Variants in MAST4 observed in about 807,000 individuals in gnomAD.
MAST4 encodes microtubule associated serine/threonine kinase family member 4.
In MAST4, 89 loss-of-function variants were observed where a neutral mutation model predicts 162.7. The observed-to-expected ratio is 0.55, with a 90% CI of 0.46 to 0.65. MAST4 has a LOEUF of 0.65. Ranked by LOEUF, MAST4 falls within the 30% of genes least tolerant of loss-of-function variation. The pLI, the probability that MAST4 is intolerant of heterozygous loss-of-function variation, is 0.00. For synonymous variants in MAST4, 1,479 were observed against 1,361.1 expected (o/e 1.09, Z -1.91); for missense variants, 3,153 against 3,374.0 (o/e 0.93, Z 1.62).
intron 1 of MAST4, among the ~76,000 whole-genome samples, chr5:66,754,343 A>G (rs988538430): frequency 6.6e-6 from 1 of 152,200 alleles, no homozygotes; most frequent in Non-Finnish European, 1.5e-5. Flanking sequence ...AAAAATTAGC[A>G]TATTAGTTTG....
chr5:66,907,160 AGAGAGAGAGAGAGAGAGAG>A (rs1763411070), intron 4 of MAST4, among the ~76,000 whole-genome samples: 7 of 10,542 alleles, frequency 6.6e-4, no homozygotes, highest in African/African-American at 1.2e-3. Context: ...CAGCAAAGCG[AGAGAGAGAGAGAGAGAGAG>A]AGAGAGAGAG....
At chr5:66,807,027 T>C (rs1756221194) in intron 3 of MAST4, among the ~76,000 whole-genome samples, 1 of 152,216 alleles carries the variant, frequency 6.6e-6, no homozygotes, top group Non-Finnish European at 1.5e-5. Context: ...CATTAAATTT[T>C]TAAAAAGCTT....
In MAST4 at chr5:66,856,853, G is replaced by A. The variant is rs1271417258; in HGVS notation, c.643-43098G>A. Among the ~76,000 whole-genome samples, 8 of 152,298 alleles carry A rather than the reference G, an allele frequency of 5.3e-5. No individual in the cohort carries two copies. The East Asian group carries it at 9.6e-4, about 18-fold the overall frequency. On this transcript the variant is annotated intron_variant, in intron 3 of 28. Transcript: ENST00000403625. The stretch of plus-strand genomic sequence containing the variant: ...ATGGCTATATGTCCAGCTGTTAAAT[G>A]CAGTCTTTAAAATAATTTGAAAAGG...
At chr5:67,062,130 G>C (rs569785245) in intron 5 of MAST4, among the ~76,000 whole-genome samples, 2 of 152,250 alleles carry the variant, frequency 1.3e-5, no homozygotes, top group Admixed American at 1.3e-4. Context: ...GGCTGGGCGC[G>C]GTGGCTCACG....
intron 4 of MAST4, among the ~76,000 whole-genome samples, chr5:67,029,811 A>C (rs966388233): frequency 6.6e-6 from 1 of 152,170 alleles, no homozygotes; most frequent in African/African-American, 2.4e-5. Context: ...GAGAAAGGAA[A>C]ATATAAATTC....
At position 66,837,864 on chromosome 5, in the gene MAST4, T is replaced by TTA. The variant is rs1209782576; in HGVS notation, c.642+49100_642+49101dup. ...ATCAAGTCTCAAGTGAGACTTGATT[T>TTA]TATATATATATATATATATATATAT... On this transcript the variant is annotated intron_variant, in intron 3 of 28. Coordinates refer to ENST00000403625, the MANE Select transcript of MAST4 (RefSeq NM_001164664.2). Among the ~76,000 whole-genome samples, 768 of 82,610 alleles carry TTA rather than the reference T, an allele frequency of 9.3e-3. 7 individuals are homozygous for TTA. Among genetic ancestry groups the TTA allele is most frequent in the Admixed American group, 0.015 (96 of 6,464 alleles). The allele number at this position is 82,610 out of a possible 152,430, so 54.2% of individuals were successfully genotyped here.
At chr5:67,086,264 A>T (rs1763220720) in intron 5 of MAST4, among the ~76,000 whole-genome samples, 1 of 152,236 alleles carries the variant, frequency 6.6e-6, no homozygotes, top group Non-Finnish European at 1.5e-5. Context: ...AGCTATTAAA[A>T]GCACATTAAT....
At chr5:67,031,982 A>G (rs1755391313) in intron 4 of MAST4, among the ~76,000 whole-genome samples, 1 of 152,158 alleles carries the variant, frequency 6.6e-6, no homozygotes, top group Non-Finnish European at 1.5e-5. Flanking sequence ...ACTCATCGTG[A>G]CCTACTTCTG....
In MAST4 at chr5:67,080,910, T is replaced by C. The variant is rs1311978094; in HGVS notation, c.764-9252T>C. Among the ~76,000 whole-genome samples, 4 of 145,320 alleles carry C rather than the reference T, an allele frequency of 2.8e-5. No individual in the cohort carries two copies. The Admixed American group carries it at 2.8e-4, about 10-fold the overall frequency. On this transcript the variant is annotated intron_variant, in intron 5 of 28. Transcript: ENST00000403625. ...GTTGATAGTGAAAATGTAAACATTA[T>C]GGTTAATTAATGTTTTCTTTAATTA...
chr5:66,940,318 A>G (rs1743224860), intron 4 of MAST4, among the ~76,000 whole-genome samples: 1 of 152,142 alleles, frequency 6.6e-6, no homozygotes, highest in Non-Finnish European at 1.5e-5. Context: ...AGGTTGCCAC[A>G]GCAGTGGACT....
In MAST4 at chr5:67,090,819, G is replaced by A. The variant is rs568157113; in HGVS notation, c.833+588G>A. Among the ~76,000 whole-genome samples the A allele has an allele frequency of 4.0e-5, 6 of 151,728 alleles. No individual in the cohort carries two copies. The South Asian group carries it at 8.4e-4, about 21-fold the overall frequency. Reference sequence around the variant, plus strand: ...TTCATTGTGGATTTTCTGCTATGACGTAGCCAAGTCAGAGGAGTGTGCACA... The same window carrying A: ...TTCATTGTGGATTTTCTGCTATGACATAGCCAAGTCAGAGGAGTGTGCACA... On this transcript the variant is annotated intron_variant, in intron 6 of 28. Coordinates refer to ENST00000403625, the MANE Select transcript of MAST4 (RefSeq NM_001164664.2).
At chr5:66,838,187 G>C (rs1658768407) in intron 3 of MAST4, among the ~76,000 whole-genome samples, 1 of 151,956 alleles carries the variant, frequency 6.6e-6, no homozygotes. Context: ...GGCATGATGA[G>C]ACAGTTGCTT....
intron 1 of MAST4, chr5:66,737,904 C>T (rs1337799207): frequency 6.6e-6 from 1 of 152,142 alleles, no homozygotes; most frequent in Non-Finnish European, 1.5e-5. Context: ...CCTGACCTGC[C>T]ATTTGGATTC....
Position 66,708,284 on chromosome 5 carries a change from G to T in MAST4, c.364-51425G>T, listed in dbSNP as rs80224849. Reference sequence around the variant, plus strand: ...ACTACCTTGGGGCAAATTTAACTCTGTCTGAACTTTGGTTTCTTGACTAGT... The same window carrying T: ...ACTACCTTGGGGCAAATTTAACTCTTTCTGAACTTTGGTTTCTTGACTAGT... On this transcript the variant is annotated intron_variant, in intron 1 of 28. Coordinates refer to ENST00000403625, the MANE Select transcript of MAST4 (RefSeq NM_001164664.2). Among the ~76,000 whole-genome samples the T allele has an allele frequency of 8.1e-3, 1,226 of 152,226 alleles. 17 individuals carry two copies. The highest frequency in any genetic ancestry group is 0.028 in the African/African-American group (1,162 of 41,524).
chr5:66,956,190 A>G (rs1276450099), intron 4 of MAST4, among the ~76,000 whole-genome samples: 1 of 151,910 alleles, frequency 6.6e-6, no homozygotes, highest in Non-Finnish European at 1.5e-5. Flanking sequence ...AAACCAGGTC[A>G]TTTGTTCTGA....
At chr5:66,919,873 T>G (rs1036013061) in intron 4 of MAST4, among the ~76,000 whole-genome samples, 1 of 152,028 alleles carries the variant, frequency 6.6e-6, no homozygotes, top group Non-Finnish European at 1.5e-5. Flanking sequence ...TGGAACTCTT[T>G]CGCTCTCTTT....
In MAST4 at chr5:66,880,442, A is replaced by G. The variant is rs975757679; in HGVS notation, c.643-19509A>G. Among the ~76,000 whole-genome samples the G allele has an allele frequency of 5.3e-5, 8 of 152,192 alleles. 1 individual carries two copies. The South Asian group carries it at 1.7e-3, about 32-fold the overall frequency. On this transcript the variant is annotated intron_variant, in intron 3 of 28. Coordinates refer to ENST00000403625, the MANE Select transcript of MAST4 (RefSeq NM_001164664.2). Reference sequence around the variant, plus strand: ...TGGTAATATATTAACCATTCCAAAAAAAGTGGGTTTTTTTAAACATAAAGA... The same window carrying G: ...TGGTAATATATTAACCATTCCAAAAGAAGTGGGTTTTTTTAAACATAAAGA...
At chr5:66,896,273 G>T (rs1242491632) in intron 3 of MAST4, among the ~76,000 whole-genome samples, 3 of 152,266 alleles carry the variant, frequency 2.0e-5, no homozygotes, top group Non-Finnish European at 4.4e-5. Context: ...GGATTTTAGA[G>T]ATAATACCAC....
At chr5:66,614,438 G>A (rs1170405368) in intron 1 of MAST4, among the ~76,000 whole-genome samples, 1 of 152,162 alleles carries the variant, frequency 6.6e-6, no homozygotes, top group East Asian at 1.9e-4. Context: ...TAGAATAGAA[G>A]CTATTCCTGA....
Sources: allele counts gnomAD v4.1 joint callset (sites outside exome capture counted in the v4.1 genomes callset), GRCh38; gene constraint gnomAD v4.1.1; transcripts MANE v1.5; gene names NCBI Gene and HGNC (gene_info 2026-07-23, HGNC 2026-07-21).